The following KIF21A variants were observed in gnomAD, a reference collection of about 807,000 sequenced individuals.
The protein encoded by KIF21A is kinesin-like protein KIF21A.
KIF21A carries 114 observed loss-of-function variants against 202.9 expected under a neutral mutation model. The ratio of observed to expected loss-of-function variants is 0.56; its 90% CI spans 0.48 to 0.66. The LOEUF is 0.66. Among genes scored for constraint, KIF21A ranks in the 30% least tolerant of loss-of-function variants. The pLI is 0.00. For synonymous variants in KIF21A, 667 were observed against 670.8 expected, an observed-to-expected ratio of 0.99 and a Z score of 0.09; for missense variants, 1,677 against 1,994.9, an observed-to-expected ratio of 0.84 and a Z score of 3.04.
rs747176706 is a variant in KIF21A, at chr12:39,318,139, C to T, written c.3842G>A (p.Arg1281His). 9 of 1,613,322 alleles carry T rather than the reference C, an allele frequency of 5.6e-6. No individual in the cohort carries two copies. The highest frequency in any genetic ancestry group is 4.5e-5 in the East Asian group (2 of 44,860). Residue 1281 changes from arginine (R) to histidine (H), a missense_variant, in exon 29 of 38, where the codon CGT becomes CAT. Transcript: ENST00000361418. ...ACGATTAAAAACATTCAGTTCATTA[C>T]GGGGCCGGCTTGGTGGGGAAGAAGG... is the stretch of plus-strand genomic sequence containing the variant. ...SPPSSPPSRP[R>H]NELNVFNRLT...
chr12:39,342,847 C>G (rs1947559980), intron 12 of KIF21A, among the ~76,000 whole-genome samples: 1 of 152,148 alleles, frequency 6.6e-6, no homozygotes, highest in Admixed American at 6.5e-5. Context: ...TTACCTAGTA[C>G]CTACAGCCAT....
chr12:39,303,240 C>G (rs1943136900), intron 35 of KIF21A, 105 bp from the exon 36 acceptor site: 4 of 919,122 alleles, frequency 4.4e-6, no homozygotes, highest in Non-Finnish European at 6.9e-6. Flanking sequence ...TCAGACATGA[C>G]TTGTTTTGTT....
At chr12:39,350,363 G>A (rs1948263082) in intron 11 of KIF21A, among the ~76,000 whole-genome samples, 1 of 151,802 alleles carries the variant, frequency 6.6e-6, no homozygotes, top group Admixed American at 6.6e-5. Flanking sequence ...ACCTCAAAAG[G>A]AAAAAGCAGT....
intron 1 of KIF21A, among the ~76,000 whole-genome samples, chr12:39,436,422 T>TATATATATATATATATATATA (rs1938700156): frequency 4.0e-5 from 4 of 99,116 alleles, no homozygotes; most frequent in African/African-American, 1.4e-4. Flanking sequence ...GTTTACTATA[T>TATATATATATATATATATATA]TATATATATA....
chr12:39,429,925 C>T (rs1955051964), intron 1 of KIF21A, among the ~76,000 whole-genome samples: 2 of 152,054 alleles, frequency 1.3e-5, no homozygotes, highest in Non-Finnish European at 2.9e-5. Flanking sequence ...TTCTAAAGAA[C>T]ATTCTAACAA....
At chr12:39,400,681 T>A (rs1180298974) in intron 1 of KIF21A, among the ~76,000 whole-genome samples, 6 of 152,212 alleles carry the variant, frequency 3.9e-5, no homozygotes, top group Non-Finnish European at 8.8e-5. Context: ...TAACTGCTGC[T>A]ACTTGCTTGC....
chr12:39,381,929 T>C (rs1950641640), intron 1 of KIF21A, among the ~76,000 whole-genome samples: 1 of 152,210 alleles, frequency 6.6e-6, no homozygotes, highest in Non-Finnish European at 1.5e-5. Context: ...CAAACAGTTA[T>C]GTTGTGAACT....
intron 17 of KIF21A, among the ~76,000 whole-genome samples, chr12:39,335,953 A>G (rs1238219532): frequency 1.3e-5 from 2 of 152,138 alleles, no homozygotes. Context: ...TCCTCTTTAC[A>G]TTCCAAAATA....
At position 39,307,465 on chromosome 12, in the gene KIF21A, T is replaced by A. The variant is rs1943586872; in HGVS notation, c.4442+100A>T. The A allele has an allele frequency of 7.5e-6, 8 of 1,068,404 alleles. No individual in the cohort carries two copies. The Admixed American group carries it at 1.4e-4, about 19-fold the overall frequency. The allele number at this position is 1,068,404 out of a possible 1,614,324, so 66.2% of individuals were successfully genotyped here. On this transcript the variant is annotated intron_variant, in intron 34 of 37. Transcript: ENST00000361418. ...AAAAGCCTATGATTTTACATTAACT[T>A]CTGGGGTCATAAAAATTGGATTTCA...
rs1387332677 is a variant in KIF21A at position 39,436,448 on chromosome 12, A to ATATATATATATATTTTTT, written c.44+6478_44+6479insAAAAAATATATATATATA. Among the ~76,000 whole-genome samples the ATATATATATATATTTTTT allele has an allele frequency of 4.8e-4, 46 of 95,724 alleles. No individual in the cohort carries two copies. The East Asian group carries it at 8.7e-3, about 18-fold the overall frequency. 62.8% of individuals were successfully genotyped at this position (95,724 alleles called of 152,430 possible). On this transcript the variant is annotated intron_variant, in intron 1 of 37. Transcript: ENST00000361418. ...TATATATATATATATATATATATAT[A>ATATATATATATATTTTTT]TTTTTTTTTTTTTTAGACAGGGTTT...
intron 10 of KIF21A, among the ~76,000 whole-genome samples, chr12:39,353,536 C>A (rs528241621): frequency 1.8e-4 from 27 of 152,120 alleles, no homozygotes; most frequent in African/African-American, 6.0e-4. Context: ...ATATATTATA[C>A]TTTTCTATAT....
chr12:39,300,219 TAA>T (rs1348027594), intron 37 of KIF21A, among the ~76,000 whole-genome samples: 1 of 152,120 alleles, frequency 6.6e-6, no homozygotes, highest in African/African-American at 2.4e-5. Flanking sequence ...TACACAATAC[TAA>T]GTCTTGTATT....
At chr12:39,315,164 T>C (rs1167975878) in intron 31 of KIF21A, 65 bp downstream of exon 31, 2 of 1,466,802 alleles carry the variant, frequency 1.4e-6, no homozygotes, top group African/African-American at 1.4e-5. Context: ...TTTTGTTCCA[T>C]GCAAACCTGT....
chr12:39,313,223 G>A (rs1944200552), intron 31 of KIF21A, among the ~76,000 whole-genome samples: 1 of 151,730 alleles, frequency 6.6e-6, no homozygotes. Flanking sequence ...ATCAAAAAAA[G>A]GGACAAAACA....
intron 1 of KIF21A, among the ~76,000 whole-genome samples, chr12:39,423,022 T>C (rs1229378314): frequency 6.6e-6 from 1 of 152,248 alleles, no homozygotes; most frequent in Admixed American, 6.5e-5. Flanking sequence ...ACCAATATTA[T>C]AGGATTATTG....
chr12:39,391,223 T>C (rs1330346177), intron 1 of KIF21A, among the ~76,000 whole-genome samples: 1 of 152,176 alleles, frequency 6.6e-6, no homozygotes, highest in Non-Finnish European at 1.5e-5. Context: ...CAAGCTCTAA[T>C]AGCAAGAAAT....
Position 39,415,954 on chromosome 12 carries a change from T to A in KIF21A, c.44+26973A>T, listed in dbSNP as rs1051742969. Among the ~76,000 whole-genome samples, 10 of 152,320 alleles carry A rather than the reference T, an allele frequency of 6.6e-5. No individual in the cohort carries two copies. The East Asian group carries it at 1.7e-3, about 26-fold the overall frequency. ...TACAAGTGTTATTTGGTTGTTGATA[T>A]CAGTTCAAGGAAAGCTTAATGATGA... On this transcript the variant is annotated intron_variant, in intron 1 of 37. Coordinates refer to ENST00000361418, the MANE Select transcript of KIF21A (RefSeq NM_001173464.2).
chr12:39,426,134 G>A (rs1232617647), intron 1 of KIF21A, among the ~76,000 whole-genome samples: 1 of 151,624 alleles, frequency 6.6e-6, no homozygotes, highest in African/African-American at 2.4e-5. Flanking sequence ...GGAAACATAC[G>A]AAAAAAAATA....
chr12:39,300,283 A>G (rs993032230), intron 37 of KIF21A, among the ~76,000 whole-genome samples: 1 of 152,166 alleles, frequency 6.6e-6, no homozygotes, highest in African/African-American at 2.4e-5. Flanking sequence ...CAAGGACACA[A>G]TAAGTTTCCA....
Sources: allele counts gnomAD v4.1 joint callset (sites outside exome capture counted in the v4.1 genomes callset), GRCh38; gene constraint gnomAD v4.1.1; transcripts MANE v1.5; gene names NCBI Gene and HGNC (gene_info 2026-07-23, HGNC 2026-07-21).